ANLN: variants seen among roughly 807,000 people sequenced by gnomAD.
ANLN encodes anillin, actin binding protein.
Under a neutral mutation model 135.1 loss-of-function variants are expected in ANLN, and 59 were observed. The observed-to-expected ratio is 0.44, with a 90% CI of 0.35 to 0.54. The LOEUF is 0.54. Among genes scored for constraint, ANLN ranks in the 20% least tolerant of loss-of-function variants. ANLN has a pLI of 0.00. For synonymous variants in ANLN, 406 were observed against 456.4 expected, an observed-to-expected ratio of 0.89 and a Z score of 1.41; for missense variants, 1,182 against 1,340.0, an observed-to-expected ratio of 0.88 and a Z score of 1.84.
intron 3 of ANLN, among the ~76,000 whole-genome samples, chr7:36,400,860 A>AT (rs919095138): frequency 3.3e-5 from 5 of 150,118 alleles, no homozygotes; most frequent in East Asian, 1.9e-4. Context: ...CTTTTGTCTT[A>AT]TTTTTTTTAA....
chr7:36,442,522 A>G (rs1453144012), intron 21 of ANLN, among the ~76,000 whole-genome samples: 2 of 152,230 alleles, frequency 1.3e-5, no homozygotes, highest in Non-Finnish European at 2.9e-5. Context: ...TCTGGCCCTT[A>G]TAGAAAAGGT....
At chr7:36,410,399 T>C in intron 5 of ANLN, 115 bp from the exon 6 acceptor site, 1 of 909,140 alleles carries the variant, frequency 1.1e-6, no homozygotes, top group South Asian at 2.2e-5. Flanking sequence ...TGAATGAATA[T>C]TCCTGATAGA....
At chr7:36,426,893 C>G in intron 19 of ANLN, 23 bp from the exon 20 acceptor site, 1 of 1,488,960 alleles carries the variant, frequency 6.7e-7, no homozygotes, top group Non-Finnish European at 9.1e-7. Flanking sequence ...CTGAACTAAA[C>G]TTAATTTCCT....
chr7:36,416,384 C>G (rs1051626678), intron 8 of ANLN, among the ~76,000 whole-genome samples: 10 of 152,172 alleles, frequency 6.6e-5, no homozygotes, highest in African/African-American at 2.4e-4. Context: ...TTTTCTAATT[C>G]AGGTGCCTTT....
intron 5 of ANLN, among the ~76,000 whole-genome samples, chr7:36,408,184 A>G (rs763990625): frequency 3.9e-4 from 60 of 152,210 alleles, no homozygotes; most frequent in Non-Finnish European, 8.7e-4. Context: ...CAGTTTAAAC[A>G]TGCTTTTTCC....
chr7:36,442,617 T>G (rs1352717841), intron 21 of ANLN, among the ~76,000 whole-genome samples: 1 of 151,874 alleles, frequency 6.6e-6, no homozygotes, highest in Admixed American at 6.6e-5. Flanking sequence ...TTTTTTTTAA[T>G]TTTTATTTAT....
intron 22 of ANLN, among the ~76,000 whole-genome samples, chr7:36,445,947 T>G (rs1212053847): frequency 6.6e-6 from 1 of 152,196 alleles, no homozygotes; most frequent in African/African-American, 2.4e-5. Context: ...TTAAAAAAAT[T>G]TTGTATCTTC....
chr7:36,443,900 A>G lies in ANLN; in HGVS notation c.3078+38A>G, dbSNP rs565515204. The G allele has an allele frequency of 3.3e-5, 48 of 1,436,102 alleles. No individual in the cohort carries two copies. In the South Asian group the frequency reaches 5.3e-4, roughly 16 times the overall value. The allele number at this position is 1,436,102 out of a possible 1,614,324, so 89.0% of individuals were successfully genotyped here. On this transcript the variant is annotated intron_variant, in intron 22 of 23. Coordinates refer to ENST00000265748, the MANE Select transcript of ANLN (RefSeq NM_018685.5). The stretch of plus-strand genomic sequence containing the variant: ...GTACTGTTTAGTGGTGAAAGCCCTG[A>G]TTGACTTTCGTGTAGTGTTCATGCA...
At chr7:36,447,455 C>G (rs1042660308) in intron 22 of ANLN, among the ~76,000 whole-genome samples, 3 of 136,272 alleles carry the variant, frequency 2.2e-5, no homozygotes, top group Non-Finnish European at 3.1e-5. Context: ...GACGGAGTCT[C>G]GCTCTGTCGC....
intron 15 of ANLN, 71 bp from the exon 16 acceptor site, chr7:36,424,474 T>C: frequency 1.6e-6 from 2 of 1,246,120 alleles, no homozygotes; most frequent in Non-Finnish European, 2.3e-6. Context: ...GTAAGAGTAT[T>C]TGTAGCATCA....
chr7:36,396,044 T>C (rs767573870), intron 1 of ANLN, among the ~76,000 whole-genome samples: 2 of 152,224 alleles, frequency 1.3e-5, no homozygotes, highest in South Asian at 2.1e-4. Context: ...AAAAATCTTA[T>C]ATAACTAACT....
At chr7:36,421,817 A>C (rs747863835) in intron 12 of ANLN, 40 bp from the exon 13 acceptor site, 1 of 1,537,078 alleles carries the variant, frequency 6.5e-7, no homozygotes, top group Non-Finnish European at 8.8e-7. Flanking sequence ...ATGATGATTT[A>C]AAATGTGTAT....
intron 9 of ANLN, among the ~76,000 whole-genome samples, chr7:36,418,116 G>C (rs538149413): frequency 2.6e-5 from 4 of 152,160 alleles, no homozygotes; most frequent in Admixed American, 6.5e-5. Flanking sequence ...TGAGGTATAC[G>C]GAAAGGGGCA....
chr7:36,396,567 TA>T (rs766102970), intron 2 of ANLN, 148 bp downstream of exon 2: 2 of 698,250 alleles, frequency 2.9e-6, no homozygotes, highest in Non-Finnish European at 4.3e-6. Context: ...CCTTCTATTC[TA>T]TTTCAGAGTT....
At chr7:36,398,674 G>T (rs185174346) in intron 2 of ANLN, among the ~76,000 whole-genome samples, 89 of 152,152 alleles carry the variant, frequency 5.8e-4, no homozygotes, top group Non-Finnish European at 1.0e-4. Context: ...ACATGAGTAA[G>T]TTCTTCAGTG....
Position 36,421,820 on chromosome 7 carries a change from A to G in ANLN, c.2164-37A>G, listed in dbSNP as rs1168718138. On this transcript the variant is annotated intron_variant, in intron 12 of 23. Coordinates refer to ENST00000265748, the MANE Select transcript of ANLN (RefSeq NM_018685.5). ...TTTAAAGTGAAAATGATGATTTAAA[A>G]TGTGTATATTTTTTCTCCTCTCATT... The G allele has an allele frequency of 1.9e-6, 3 of 1,542,726 alleles. No individual in the cohort carries two copies. In the South Asian group the frequency reaches 3.7e-5, roughly 19 times the overall value.
chr7:36,417,248 T>C lies in ANLN; in HGVS notation c.1633+58T>C, dbSNP rs1707469261. 36 of 942,752 alleles carry C rather than the reference T, an allele frequency of 3.8e-5. No individual in the cohort carries two copies. The South Asian group carries it at 5.8e-4, about 15-fold the overall frequency. The allele number at this position is 942,752 out of a possible 1,614,324, so 58.4% of individuals were successfully genotyped here. A position where few individuals can be genotyped will look rare whatever the true frequency, so the allele number is the denominator to read the frequency against. ...TGCACATACTATAGGAAATAATATA[T>C]TGATAGAAGCACATATTCAAATTGA... is the stretch of plus-strand genomic sequence containing the variant. On this transcript the variant is annotated intron_variant, in intron 9 of 23. Coordinates refer to ENST00000265748, the MANE Select transcript of ANLN (RefSeq NM_018685.5).
intron 22 of ANLN, among the ~76,000 whole-genome samples, chr7:36,446,854 C>T (rs900020694): frequency 7.2e-5 from 11 of 152,158 alleles, no homozygotes. Flanking sequence ...TTTAGGCTCA[C>T]GGTTCTGTTT....
chr7:36,439,787 G>T (rs1583653077), intron 21 of ANLN, among the ~76,000 whole-genome samples: 5 of 152,210 alleles, frequency 3.3e-5, no homozygotes, highest in Admixed American at 3.3e-4. Context: ...GGTATTTCAG[G>T]ATAGCTAGAG....
Sources: allele counts gnomAD v4.1 joint callset (sites outside exome capture counted in the v4.1 genomes callset), GRCh38; gene constraint gnomAD v4.1.1; transcripts MANE v1.5; gene names NCBI Gene and HGNC (gene_info 2026-07-23, HGNC 2026-07-21).